NRG3: variants seen among roughly 807,000 people sequenced by gnomAD.
The protein encoded by NRG3 is neuregulin 3, also known as pro-neuregulin-3, membrane-bound isoform.
Under a neutral mutation model 66.9 loss-of-function variants are expected in NRG3, and 31 were observed. The ratio of observed to expected loss-of-function variants is 0.46; its 90% CI spans 0.35 to 0.63. NRG3 has a LOEUF of 0.63. NRG3 is among the 20% of genes least tolerant of loss of function. NRG3 has a pLI of 0.00. For missense variants in NRG3, 910 were observed against 878.9 expected (o/e 1.04, Z -0.45); for synonymous variants, 393 against 359.4 (o/e 1.09, Z -1.06).
chr10:82,416,254 G>A (rs2088562182), intron 2 of NRG3, among the ~76,000 whole-genome samples: 1 of 152,152 alleles, frequency 6.6e-6, no homozygotes, highest in Non-Finnish European at 1.5e-5. Flanking sequence ...TTCTAACTGA[G>A]AGCCACCCTG....
At chr10:82,395,880 T>C (rs1051501870) in intron 2 of NRG3, among the ~76,000 whole-genome samples, 1 of 152,182 alleles carries the variant, frequency 6.6e-6, no homozygotes, top group African/African-American at 2.4e-5. Flanking sequence ...GTCAAAACAT[T>C]GAAAATGCTC....
intron 1 of NRG3, among the ~76,000 whole-genome samples, chr10:81,891,360 A>G (rs1332819139): frequency 1.3e-5 from 2 of 152,194 alleles, no homozygotes; most frequent in African/African-American, 2.4e-5. Context: ...CATGGACAGC[A>G]ATGTGCTGTT....
intron 1 of NRG3, among the ~76,000 whole-genome samples, chr10:81,880,976 A>G (rs769782408): frequency 2.6e-5 from 4 of 152,200 alleles, no homozygotes; most frequent in Non-Finnish European, 2.9e-5. Flanking sequence ...AATGGACTCT[A>G]TTTGAAACTT....
At chr10:82,690,662 T>TCATATGACTAAACCTGCTCTCCCAATCCC (rs1224436215) in intron 2 of NRG3, among the ~76,000 whole-genome samples, 1 of 152,192 alleles carries the variant, frequency 6.6e-6, no homozygotes, top group Non-Finnish European at 1.5e-5. Context: ...CATCTCCCCT[T>TCATATGACTAAACCTGCTCTCCCAATCCC]CATATGACTA....
At chr10:82,840,138 A>G (rs930346280) in intron 3 of NRG3, among the ~76,000 whole-genome samples, 1 of 152,204 alleles carries the variant, frequency 6.6e-6, no homozygotes, top group Non-Finnish European at 1.5e-5. Context: ...TTGTGCACAA[A>G]AAGTGTTTGA....
chr10:82,293,030 T>C (rs532311748), intron 1 of NRG3, among the ~76,000 whole-genome samples: 19 of 152,322 alleles, frequency 1.2e-4, no homozygotes, highest in Non-Finnish European at 2.6e-4. Context: ...CGGCTGCATG[T>C]CAATCTGCAA....
At chr10:82,180,209 T>C (rs553532737) in intron 1 of NRG3, among the ~76,000 whole-genome samples, 1 of 151,888 alleles carries the variant, frequency 6.6e-6, no homozygotes, top group South Asian at 2.1e-4. Flanking sequence ...GATTATTTTA[T>C]TTCTTTTCAT....
At chr10:82,279,269 G>A (rs1032856827) in intron 1 of NRG3, among the ~76,000 whole-genome samples, 3 of 152,146 alleles carry the variant, frequency 2.0e-5, no homozygotes, top group African/African-American at 4.8e-5. Flanking sequence ...GAAGATGAGT[G>A]TCATTTTGAT....
At chr10:82,590,211 A>C (rs1417582678) in intron 2 of NRG3, among the ~76,000 whole-genome samples, 1 of 152,174 alleles carries the variant, frequency 6.6e-6, no homozygotes, top group Non-Finnish European at 1.5e-5. Flanking sequence ...TATTTTATTT[A>C]ATTTTTAGCT....
At chr10:82,020,829 G>A (rs1360934584) in intron 1 of NRG3, among the ~76,000 whole-genome samples, 2 of 151,930 alleles carry the variant, frequency 1.3e-5, no homozygotes, top group African/African-American at 4.8e-5. Context: ...CTTCCAATCC[G>A]GTTGCAGCAA....
intron 1 of NRG3, among the ~76,000 whole-genome samples, chr10:82,101,197 T>C (rs1376049587): frequency 2.0e-5 from 3 of 151,934 alleles, no homozygotes; most frequent in Non-Finnish European, 4.4e-5. Flanking sequence ...GATACTGATA[T>C]TTGTGATAAC....
At chr10:82,968,981 C>T (rs905141457) in intron 6 of NRG3, among the ~76,000 whole-genome samples, 1 of 152,180 alleles carries the variant, frequency 6.6e-6, no homozygotes, top group African/African-American at 2.4e-5. Flanking sequence ...ATAAAACTAT[C>T]AGATCTCATG....
intron 3 of NRG3, among the ~76,000 whole-genome samples, chr10:82,749,681 T>C (rs954477060): frequency 2.0e-5 from 3 of 152,176 alleles, no homozygotes; most frequent in African/African-American, 7.2e-5. Flanking sequence ...TTCATAATTT[T>C]TTTTCATGGA....
intron 4 of NRG3, among the ~76,000 whole-genome samples, chr10:82,910,976 C>A (rs368729880): frequency 6.6e-6 from 1 of 152,226 alleles, no homozygotes; most frequent in Non-Finnish European, 1.5e-5. Flanking sequence ...CCTTCTTGCA[C>A]AGATGGACTG....
chr10:82,389,938 G>C (rs1402245444), intron 2 of NRG3, among the ~76,000 whole-genome samples: 5 of 152,102 alleles, frequency 3.3e-5, no homozygotes, highest in African/African-American at 1.2e-4. Context: ...GCGGCTACTT[G>C]GGCCATTTAT....
At chr10:82,930,585 T>G (rs17760956) in intron 4 of NRG3, among the ~76,000 whole-genome samples, 57,491 of 152,070 alleles carry the variant, frequency 0.38, 11,714 homozygotes, top group Middle Eastern at 0.48. Flanking sequence ...TCTTAATTTC[T>G]TAGATGTCTC....
chr10:82,579,508 C>A (rs1271338716), intron 2 of NRG3, among the ~76,000 whole-genome samples: 1 of 151,908 alleles, frequency 6.6e-6, no homozygotes, highest in Non-Finnish European at 1.5e-5. Context: ...TTCACAATTC[C>A]ATTCGTATGT....
intron 5 of NRG3, among the ~76,000 whole-genome samples, chr10:82,954,467 T>C (rs1350340135): frequency 1.3e-5 from 2 of 151,886 alleles, no homozygotes; most frequent in East Asian, 3.9e-4. Context: ...TAGGGTAGGC[T>C]CAGAGGACTG....
chr10:82,114,037 C>T (rs1238191845), intron 1 of NRG3, among the ~76,000 whole-genome samples: 2 of 152,168 alleles, frequency 1.3e-5, no homozygotes, highest in Non-Finnish European at 2.9e-5. Flanking sequence ...GTCTGTCTAT[C>T]AGTCTCCCTG....
Sources: allele counts gnomAD v4.1 joint callset (sites outside exome capture counted in the v4.1 genomes callset), GRCh38; gene constraint gnomAD v4.1.1; transcripts MANE v1.5; gene names NCBI Gene and HGNC (gene_info 2026-07-23, HGNC 2026-07-21).